Variants in DNM3 observed in about 807,000 individuals in gnomAD.
The protein encoded by DNM3 is dynamin-3.
Under a neutral mutation model 101.6 loss-of-function variants are expected in DNM3, and 47 were observed. That is an observed-to-expected ratio of 0.46 (90% CI 0.37 to 0.59). The LOEUF (loss-of-function observed/expected upper bound fraction) is 0.59. Ranked by LOEUF, DNM3 falls within the 20% of genes least tolerant of loss-of-function variation. The pLI is 0.00. For synonymous variants in DNM3, 385 were observed against 387.9 expected, an observed-to-expected ratio of 0.99 and a Z score of 0.09; for missense variants, 849 against 1,085.7, an observed-to-expected ratio of 0.78 and a Z score of 3.06.
chr1:172,402,285 AT>A (rs775768381), intron 20 of DNM3, among the ~76,000 whole-genome samples: 2 of 152,166 alleles, frequency 1.3e-5, no homozygotes, highest in Non-Finnish European at 1.5e-5. Flanking sequence ...TTCATTTTTT[AT>A]CATAAATAAG....
chr1:171,936,373 A>AAGAAAG (rs1198627723), intron 2 of DNM3, among the ~76,000 whole-genome samples: 1 of 151,704 alleles, frequency 6.6e-6, no homozygotes, highest in Non-Finnish European at 1.5e-5. Flanking sequence ...GAAAGAAAGA[A>AAGAAAG]AGTTACTGTT....
chr1:172,066,468 T>C (rs945041759), intron 10 of DNM3, among the ~76,000 whole-genome samples: 8 of 152,090 alleles, frequency 5.3e-5, no homozygotes, highest in Non-Finnish European at 8.8e-5. Context: ...TCGCTAGTCC[T>C]CTTCTTATAA....
intron 13 of DNM3, among the ~76,000 whole-genome samples, chr1:172,096,554 T>G (rs1277378966): frequency 6.6e-6 from 1 of 152,206 alleles, no homozygotes; most frequent in African/African-American, 2.4e-5. Context: ...GGAGGTTGTC[T>G]TCAATGCATC....
rs1377289646 is a variant in DNM3 at position 172,409,698 on chromosome 1, T to C, written c.*1857T>C. On this transcript the variant is annotated 3_prime_UTR_variant, in exon 21 of 21. Coordinates refer to ENST00000627582, the MANE Select transcript of DNM3 (RefSeq NM_015569.5). ...TGGAAAACTGTTAAGCAAACATCCA[T>C]AGTAAAACAAATAATCTTCAGTGAG... is the stretch of plus-strand genomic sequence containing the variant. 2 of 985,538 alleles carry C rather than the reference T, an allele frequency of 2.0e-6. No homozygotes were observed. Among genetic ancestry groups the C allele is most frequent in the Admixed American group, 6.2e-5 (1 of 16,250 alleles). 61.0% of individuals were successfully genotyped at this position (985,538 alleles called of 1,614,324 possible). A position where few individuals can be genotyped will look rare whatever the true frequency, so the allele number is the denominator to read the frequency against.
At chr1:172,383,493 T>C (rs1243094161) in intron 18 of DNM3, among the ~76,000 whole-genome samples, 2 of 152,132 alleles carry the variant, frequency 1.3e-5, no homozygotes, top group South Asian at 2.1e-4. Context: ...AACTTCTCAA[T>C]TGAATTTTAA....
intron 17 of DNM3, among the ~76,000 whole-genome samples, chr1:172,348,781 T>A (rs2067064531): frequency 6.6e-6 from 1 of 152,174 alleles, no homozygotes; most frequent in Non-Finnish European, 1.5e-5. Context: ...TTAAAAAAAA[T>A]CTCATTCAGT....
At chr1:171,875,807 G>T (rs4916405) in intron 1 of DNM3, among the ~76,000 whole-genome samples, 1 of 119,084 alleles carries the variant, frequency 8.4e-6, no homozygotes, top group African/African-American at 3.4e-5. Flanking sequence ...AAAAAGAGTT[G>T]TCTCTCTTTT....
At position 172,315,424 on chromosome 1, in the gene DNM3, A is replaced by T. The variant is rs532116975; in HGVS notation, c.1881+6585A>T. ...ACGAGTTGAGAGAAGAAGGCTGCAG[A>T]CGATCAAACTACTCCGAGCTACAGG... On this transcript the variant is annotated intron_variant, in intron 16 of 20. Transcript: ENST00000627582. Among the ~76,000 whole-genome samples, 10 of 152,388 alleles carry T rather than the reference A, an allele frequency of 6.6e-5. No homozygotes were observed. The East Asian group carries it at 1.5e-3, about 23-fold the overall frequency.
At chr1:172,326,509 C>T (rs533582010) in intron 17 of DNM3, among the ~76,000 whole-genome samples, 31 of 151,932 alleles carry the variant, frequency 2.0e-4, no homozygotes, top group Non-Finnish European at 4.0e-4. Flanking sequence ...AAATGTAAAT[C>T]AGAATGTTAT....
chr1:172,006,085 A>T (rs1187299838), intron 4 of DNM3, among the ~76,000 whole-genome samples: 1 of 152,006 alleles, frequency 6.6e-6, no homozygotes, highest in Non-Finnish European at 1.5e-5. Flanking sequence ...TTGATTAGTT[A>T]TTACCTGAAA....
chr1:171,952,480 C>G (rs760830455), intron 2 of DNM3, among the ~76,000 whole-genome samples: 4 of 152,078 alleles, frequency 2.6e-5, no homozygotes, highest in Non-Finnish European at 4.4e-5. Context: ...TGTCTAAACT[C>G]TAAGAGGGAG....
intron 14 of DNM3, among the ~76,000 whole-genome samples, chr1:172,170,030 C>T (rs1444089642): frequency 6.6e-6 from 1 of 151,774 alleles, no homozygotes; most frequent in East Asian, 1.9e-4. Context: ...GTTTAGGAAG[C>T]AGATTTGGAA....
chr1:171,936,396 C>T (rs913540788), intron 2 of DNM3, among the ~76,000 whole-genome samples: 4 of 151,834 alleles, frequency 2.6e-5, no homozygotes, highest in East Asian at 1.9e-4. Flanking sequence ...CGGGTTATAA[C>T]AGTAAAGTCT....
chr1:172,247,472 T>C (rs1300145563), intron 14 of DNM3, among the ~76,000 whole-genome samples: 1 of 152,228 alleles, frequency 6.6e-6, no homozygotes, highest in East Asian at 1.9e-4. Context: ...AATTTGATTA[T>C]TTGATAGCTT....
chr1:172,237,963 G>A (rs1292323011), intron 14 of DNM3, among the ~76,000 whole-genome samples: 1 of 152,072 alleles, frequency 6.6e-6, no homozygotes, highest in African/African-American at 2.4e-5. Flanking sequence ...TCATTCTGTT[G>A]GAATGAAACT....
intron 15 of DNM3, among the ~76,000 whole-genome samples, chr1:172,255,914 T>A (rs996069999): frequency 3.3e-5 from 5 of 152,182 alleles, no homozygotes; most frequent in African/African-American, 1.2e-4. Context: ...CTAAGGTTTC[T>A]GTTTTCATTT....
intron 15 of DNM3, among the ~76,000 whole-genome samples, chr1:172,302,602 G>A (rs567585069): frequency 1.3e-5 from 2 of 152,252 alleles, no homozygotes; most frequent in Non-Finnish European, 2.9e-5. Context: ...AGCCTAACTG[G>A]GAGACACCTC....
chr1:172,377,989 G>C (rs1351014654), intron 17 of DNM3: 3 of 151,982 alleles, frequency 2.0e-5, no homozygotes, highest in African/African-American at 7.2e-5. Flanking sequence ...GAACTGATTG[G>C]ATGATTGAAA....
At chr1:172,057,757 C>T in intron 10 of DNM3, among the ~76,000 whole-genome samples, 1 of 151,688 alleles carries the variant, frequency 6.6e-6, no homozygotes, top group Non-Finnish European at 1.5e-5. Context: ...AATGTAAAGA[C>T]CATCAAGACT....
Sources: gnomAD v4.1 joint callset for allele counts (sites outside exome capture counted in the v4.1 genomes callset) on GRCh38, gnomAD v4.1.1 for gene constraint, MANE v1.5 for transcripts, NCBI Gene and HGNC (gene_info 2026-07-23, HGNC 2026-07-21) for gene names.